CGGBP1: variants seen among roughly 807,000 people sequenced by gnomAD.
The protein encoded by CGGBP1 is CGG triplet repeat-binding protein 1.
CGGBP1 carries 4 observed loss-of-function variants against 11.4 expected under a neutral mutation model. The observed-to-expected ratio is 0.35, with a 90% CI of 0.17 to 0.80. The LOEUF (loss-of-function observed/expected upper bound fraction) is 0.80. CGGBP1 is among the 30% of genes least tolerant of loss of function. CGGBP1 has a pLI of 0.52. For synonymous variants in CGGBP1, 76 were observed against 74.1 expected, an observed-to-expected ratio of 1.03 and a Z score of -0.13; for missense variants, 135 against 202.1, an observed-to-expected ratio of 0.67 and a Z score of 2.01.
chr3:88,069,563 A>G (rs1466550786), intron 2 of CGGBP1, among the ~76,000 whole-genome samples: 2 of 152,216 alleles, frequency 1.3e-5, no homozygotes, highest in Admixed American at 1.3e-4. Context: ...ACAAAACAGG[A>G]CAATGTTTGC....
chr3:88,088,950 T>C (rs1434528154), intron 2 of CGGBP1, among the ~76,000 whole-genome samples: 1 of 151,726 alleles, frequency 6.6e-6, no homozygotes, highest in Admixed American at 6.6e-5. Flanking sequence ...TTTTTGTATT[T>C]TTAGTAGAGA....
upstream of CGGBP1, among the ~76,000 whole-genome samples, chr3:88,060,142 G>A (rs376378500): frequency 1.3e-4 from 20 of 152,080 alleles, no homozygotes; most frequent in African/African-American, 4.6e-4. Flanking sequence ...TCCTTCGGTT[G>A]ACACACGCAC....
In CGGBP1 at chr3:88,054,586, T is replaced by C. The variant is rs1241722081; in HGVS notation, c.*887A>G. On this transcript the variant is annotated 3_prime_UTR_variant, in exon 4 of 4. Coordinates refer to ENST00000482016, the MANE Select transcript of CGGBP1 (RefSeq NM_001008390.2). ...ATGAATAGAAAGTAATTTTATCTGA[T>C]CTGTCAGCCAAAAAAAAATTACTAA... 6.6e-6 allele frequency: 1 copy of C among 151,904 alleles called. No individual in the cohort carries two copies. The highest frequency in any genetic ancestry group is 1.9e-4 in the East Asian group (1 of 5,204). 9.4% of individuals were successfully genotyped at this position (151,904 alleles called of 1,614,324 possible).
chr3:88,062,701 A>G (rs534493355), upstream of CGGBP1, among the ~76,000 whole-genome samples: 2 of 152,310 alleles, frequency 1.3e-5, no homozygotes, highest in African/African-American at 2.4e-5. Flanking sequence ...GGATTTCTGG[A>G]ACCACTTTGA....
In CGGBP1 at chr3:88,052,377, T is replaced by C. The variant is rs1169675586; in HGVS notation, c.*3096A>G. ...TCAAATGAACATGTTTTAAGGTGAT[T>C]TGTCCTCATTTAACGGTAGCTGGGG... On this transcript the variant is annotated 3_prime_UTR_variant, in exon 4 of 4. Transcript: ENST00000482016. 6.5e-5 allele frequency: 10 copies of C among 152,752 alleles called. No homozygotes were observed. Among genetic ancestry groups the C allele is most frequent in the African/African-American group, 2.2e-4 (9 of 41,566 alleles). 9.5% of individuals were successfully genotyped at this position (152,752 alleles called of 1,614,324 possible). A position where few individuals can be genotyped will look rare whatever the true frequency, so the allele number is the denominator to read the frequency against.
chr3:88,096,927 C>A (rs1234510719), intron 2 of CGGBP1, among the ~76,000 whole-genome samples: 1 of 152,046 alleles, frequency 6.6e-6, no homozygotes, highest in African/African-American at 2.4e-5. Context: ...TAGACAAATG[C>A]TAGTATACTA....
intron 2 of CGGBP1, among the ~76,000 whole-genome samples, chr3:88,133,188 G>A (rs1296218022): frequency 1.3e-5 from 2 of 152,116 alleles, no homozygotes; most frequent in Non-Finnish European, 2.9e-5. Flanking sequence ...ATGCAGAGGA[G>A]GGTCACATAG....
chr3:88,141,056 T>C (rs1241402760), exon 2 of CGGBP1: 3 of 1,579,162 alleles, frequency 1.9e-6, no homozygotes, highest in Non-Finnish European at 2.6e-6. Flanking sequence ...AAAGTAAGTC[T>C]TCTGTCTTCT....
intron 2 of CGGBP1, among the ~76,000 whole-genome samples, chr3:88,107,849 GTCA>G (rs1559715130): frequency 2.6e-5 from 4 of 151,952 alleles, no homozygotes; most frequent in African/African-American, 4.8e-5. Context: ...TATTTTCAAT[GTCA>G]TCATTTCTTA....
intron 2 of CGGBP1, among the ~76,000 whole-genome samples, chr3:88,077,827 C>A (rs2107636484): frequency 6.6e-6 from 1 of 152,248 alleles, no homozygotes; most frequent in Non-Finnish European, 1.5e-5. Context: ...TAATGGAAAT[C>A]ATTTCTCAAA....
At chr3:88,109,102 A>G (rs1704924136) in intron 2 of CGGBP1, among the ~76,000 whole-genome samples, 1 of 148,876 alleles carries the variant, frequency 6.7e-6, no homozygotes, top group South Asian at 2.2e-4. Context: ...GTGGGAGGGA[A>G]GGGGTCTGGT....
chr3:88,127,039 C>T (rs6551273), intron 2 of CGGBP1, among the ~76,000 whole-genome samples: 107,402 of 151,918 alleles, frequency 0.71, 41,676 homozygotes, highest in South Asian at 0.91. Flanking sequence ...TTCCTGAACC[C>T]CAGAACATTT....
chr3:88,060,289 A>G (rs1271294787), upstream of CGGBP1, among the ~76,000 whole-genome samples: 1 of 152,192 alleles, frequency 6.6e-6, no homozygotes, highest in Non-Finnish European at 1.5e-5. Context: ...GAACGGTGAC[A>G]TTAAATTATT....
At chr3:88,126,366 A>G (rs1706096712) in intron 2 of CGGBP1, 2 of 1,181,922 alleles carry the variant, frequency 1.7e-6, no homozygotes, top group South Asian at 3.0e-5. Context: ...TCTTCATTTT[A>G]TAATACTGAA....
At chr3:88,067,304 G>A (rs192865677) in intron 2 of CGGBP1, among the ~76,000 whole-genome samples, 9 of 152,290 alleles carry the variant, frequency 5.9e-5, no homozygotes, top group East Asian at 3.9e-4. Context: ...AGATCCTTTC[G>A]TTTGGTTTGA....
intron 2 of CGGBP1, among the ~76,000 whole-genome samples, chr3:88,114,577 G>A (rs1164492081): frequency 4.6e-5 from 7 of 151,912 alleles, no homozygotes; most frequent in Non-Finnish European, 8.8e-5. Flanking sequence ...TATACTACCT[G>A]CCTCCCCCAG....
Position 88,126,263 on chromosome 3 carries a change from G to C in CGGBP1, c.-229+14707C>G, listed in dbSNP as rs2107821793. 4 of 1,509,168 alleles carry C rather than the reference G, an allele frequency of 2.7e-6. No individual in the cohort carries two copies. The South Asian group carries it at 5.0e-5, about 19-fold the overall frequency. 93.5% of individuals were successfully genotyped at this position (1,509,168 alleles called of 1,614,324 possible). A position where few individuals can be genotyped will look rare whatever the true frequency, so the allele number is the denominator to read the frequency against. On this transcript the variant is annotated intron_variant, in intron 2 of 3. Transcript: ENST00000462901. ...CCTTAAAGCTCAGCCAGCATCTCAGGAGATAGGTACTTCAGGAGATTCAAA... is the reference window on the plus strand; with the variant it reads ...CCTTAAAGCTCAGCCAGCATCTCAGCAGATAGGTACTTCAGGAGATTCAAA...
At chr3:88,123,463 A>G (rs933590276) in intron 2 of CGGBP1, among the ~76,000 whole-genome samples, 1 of 152,202 alleles carries the variant, frequency 6.6e-6, no homozygotes, top group Non-Finnish European at 1.5e-5. Context: ...GGGAGTAGAC[A>G]CTAAGTGTGG....
chr3:88,076,928 CAA>C (rs572587305), intron 2 of CGGBP1, among the ~76,000 whole-genome samples: 294 of 152,214 alleles, frequency 1.9e-3, no homozygotes, highest in Non-Finnish European at 3.3e-3. Flanking sequence ...GTAGCTAACT[CAA>C]GAGGGATATG....
Sources: gnomAD v4.1 joint callset for allele counts (sites outside exome capture counted in the v4.1 genomes callset) on GRCh38, gnomAD v4.1.1 for gene constraint, MANE v1.5 for transcripts, NCBI Gene and HGNC (gene_info 2026-07-23, HGNC 2026-07-21) for gene names.